The following SDK1 variants were observed in gnomAD, a reference collection of about 807,000 sequenced individuals.
SDK1 encodes protein sidekick-1.
In SDK1, 157 loss-of-function variants were observed where a neutral mutation model predicts 245.5. The ratio of observed to expected loss-of-function variants is 0.64; its 90% CI spans 0.56 to 0.73. SDK1 has a LOEUF of 0.73. Ranked by LOEUF, SDK1 falls within the 30% of genes least tolerant of loss-of-function variation. SDK1 has a pLI of 0.00. For missense variants in SDK1, 3,583 were observed against 3,002.3 expected, an observed-to-expected ratio of 1.19 and a Z score of -4.52; for synonymous variants, 1,647 against 1,278.5, an observed-to-expected ratio of 1.29 and a Z score of -6.15.
chr7:3,453,842 G>T (rs1368400188), intron 1 of SDK1, among the ~76,000 whole-genome samples: 1 of 152,066 alleles, frequency 6.6e-6, no homozygotes, highest in Non-Finnish European at 1.5e-5. Flanking sequence ...GGACTCAAGT[G>T]ATCCTCCTGC....
Position 4,079,514 on chromosome 7 carries a change from C to T in SDK1, c.3254C>T (p.Ser1085Phe). The change falls in exon 22 of 45, where the codon TCC becomes TTC. Residue 1085 changes from serine to phenylalanine, a missense_variant. Transcript: ENST00000404826. The part of the protein sequence containing the change: ...NLVISNISPR[S>F]ATLQFRPGYD... ...GTCATTTCCAACATCAGCCCTCGCT[C>T]CGCCACCCTTCAGTTCCGGCCAGGC... 1 of 1,614,258 alleles carries T rather than the reference C, an allele frequency of 6.2e-7. No individual in the cohort carries two copies. Among genetic ancestry groups the T allele is most frequent in the East Asian group, 2.2e-5 (1 of 44,880 alleles).
intron 19 of SDK1, among the ~76,000 whole-genome samples, chr7:4,059,505 C>T (rs1041685281): frequency 6.6e-6 from 1 of 152,156 alleles, no homozygotes; most frequent in Non-Finnish European, 1.5e-5. Context: ...GGGACTTTAA[C>T]ATCCCCCTCT....
chr7:3,607,782 G>T (rs970929280), intron 1 of SDK1, among the ~76,000 whole-genome samples: 1 of 152,212 alleles, frequency 6.6e-6, no homozygotes, highest in Non-Finnish European at 1.5e-5. Context: ...ATTTCATTCT[G>T]TGACAACATG....
intron 42 of SDK1, among the ~76,000 whole-genome samples, chr7:4,240,316 A>G (rs978557378): frequency 6.6e-6 from 1 of 152,072 alleles, no homozygotes; most frequent in Non-Finnish European, 1.5e-5. Context: ...ACACTTATCT[A>G]CCAGAATGTC....
At chr7:3,318,404 TCTCA>T (rs1329974084) in intron 1 of SDK1, among the ~76,000 whole-genome samples, 1 of 152,220 alleles carries the variant, frequency 6.6e-6, no homozygotes, top group East Asian at 1.9e-4. Context: ...TTAATCTCTC[TCTCA>T]CAAGGTTTTT....
At chr7:3,890,730 T>G (rs1781438765) in intron 5 of SDK1, among the ~76,000 whole-genome samples, 1 of 151,162 alleles carries the variant, frequency 6.6e-6, no homozygotes. Flanking sequence ...TCACCTGAGG[T>G]CAGGAGTTCG....
At chr7:3,404,331 G>A (rs1028199130) in intron 1 of SDK1, among the ~76,000 whole-genome samples, 1 of 152,170 alleles carries the variant, frequency 6.6e-6, no homozygotes, top group Non-Finnish European at 1.5e-5. Flanking sequence ...GCTGCAAACA[G>A]TAGATTTCTT....
At chr7:3,859,347 C>T (rs748165051) in intron 5 of SDK1, among the ~76,000 whole-genome samples, 1 of 152,108 alleles carries the variant, frequency 6.6e-6, no homozygotes, top group South Asian at 2.1e-4. Flanking sequence ...ATGATGGCAT[C>T]AGGGTAGTTG....
chr7:3,892,896 G>C (rs1781496956), intron 5 of SDK1, among the ~76,000 whole-genome samples: 1 of 152,192 alleles, frequency 6.6e-6, no homozygotes, highest in African/African-American at 2.4e-5. Flanking sequence ...GAGTTAAGCA[G>C]AATCGTGGGT....
intron 1 of SDK1, among the ~76,000 whole-genome samples, chr7:3,450,882 G>GC (rs1271439365): frequency 1.3e-5 from 2 of 152,174 alleles, no homozygotes; most frequent in African/African-American, 4.8e-5. Context: ...AGAAGGAATG[G>GC]CAGGAGACAT....
intron 1 of SDK1, among the ~76,000 whole-genome samples, chr7:3,507,248 A>G (rs189308606): frequency 6.6e-6 from 1 of 152,230 alleles, no homozygotes; most frequent in Non-Finnish European, 1.5e-5. Flanking sequence ...TTGTCTCTTG[A>G]AATCTCACCC....
At chr7:3,659,317 C>T (rs1783283765) in intron 4 of SDK1, among the ~76,000 whole-genome samples, 1 of 152,032 alleles carries the variant, frequency 6.6e-6, no homozygotes, top group South Asian at 2.1e-4. Flanking sequence ...GAATTTCCAG[C>T]CTGGTAAGGA....
At chr7:3,657,878 T>C (rs954782139) in intron 4 of SDK1, among the ~76,000 whole-genome samples, 2 of 152,104 alleles carry the variant, frequency 1.3e-5, no homozygotes, top group African/African-American at 4.8e-5. Context: ...TGATATAAGG[T>C]CAAGTCATCT....
chr7:3,551,195 C>A (rs1405182039), intron 1 of SDK1, among the ~76,000 whole-genome samples: 2 of 152,002 alleles, frequency 1.3e-5, no homozygotes, highest in African/African-American at 4.8e-5. Flanking sequence ...GGTGGGGGGC[C>A]CAACATCACA....
intron 4 of SDK1, among the ~76,000 whole-genome samples, chr7:3,721,738 G>T (rs957182104): frequency 1.3e-5 from 2 of 152,162 alleles, no homozygotes; most frequent in African/African-American, 4.8e-5. Context: ...TAAGAAAGAG[G>T]AAGAGGAGAT....
At chr7:4,034,240 A>G (rs1384586769) in intron 17 of SDK1, among the ~76,000 whole-genome samples, 1 of 152,250 alleles carries the variant, frequency 6.6e-6, no homozygotes, top group Non-Finnish European at 1.5e-5. Flanking sequence ...TCCAGATTGA[A>G]GAAGACGAAA....
intron 4 of SDK1, among the ~76,000 whole-genome samples, chr7:3,808,541 C>T (rs535003456): frequency 4.5e-4 from 68 of 152,314 alleles, no homozygotes; most frequent in African/African-American, 1.2e-3. Flanking sequence ...CGACCTGCAC[C>T]GTGAGGCAGA....
rs569756465 is a variant in SDK1, at chr7:4,068,413, C to T, written c.3010+477C>T. On this transcript the variant is annotated intron_variant, in intron 20 of 44. Transcript: ENST00000404826. ...CCTGTGGGCAGCCAGCCTTCTCAGACACAGCCAGGTGGTGTGACTATGAGG... is the reference window on the plus strand; with the variant it reads ...CCTGTGGGCAGCCAGCCTTCTCAGATACAGCCAGGTGGTGTGACTATGAGG... Among the ~76,000 whole-genome samples the T allele has an allele frequency of 7.7e-4, 118 of 152,306 alleles. 1 individual carries two copies. Among genetic ancestry groups the T allele is most frequent in the African/African-American group, 2.6e-3 (107 of 41,564 alleles).
intron 5 of SDK1, among the ~76,000 whole-genome samples, chr7:3,949,306 GT>G (rs891417545): frequency 2.6e-5 from 4 of 152,206 alleles, no homozygotes; most frequent in African/African-American, 9.6e-5. Flanking sequence ...TCAGGCTTCT[GT>G]TTTTCTTTTA....
Sources: allele counts gnomAD v4.1 joint callset (sites outside exome capture counted in the v4.1 genomes callset), GRCh38; gene constraint gnomAD v4.1.1; transcripts MANE v1.5; gene names NCBI Gene and HGNC (gene_info 2026-07-23, HGNC 2026-07-21).